USP30: variants seen among roughly 807,000 people sequenced by gnomAD.
The protein encoded by USP30 is ubiquitin carboxyl-terminal hydrolase 30.
USP30 carries 41 observed loss-of-function variants against 68.2 expected under a neutral mutation model. That is an observed-to-expected ratio of 0.60 (90% CI 0.47 to 0.78). USP30 has a LOEUF of 0.78. USP30 is among the 30% of genes least tolerant of loss of function. USP30 has a pLI of 0.00. For synonymous variants in USP30, 229 were observed against 253.7 expected (o/e 0.90, Z 0.93); for missense variants, 522 against 649.4 (o/e 0.80, Z 2.13).
At chr12:109,044,525 T>C (rs187664491) in intron 3 of USP30, among the ~76,000 whole-genome samples, 2 of 149,764 alleles carry the variant, frequency 1.3e-5, no homozygotes, top group African/African-American at 2.5e-5. Flanking sequence ...TAGTCCTAGC[T>C]ACTCGCGAGG....
chr12:109,056,866 G>A (rs1446846160), intron 2 of USP30, 75 bp downstream of exon 2: 3 of 1,050,136 alleles, frequency 2.9e-6, no homozygotes, highest in Non-Finnish European at 4.0e-6. Flanking sequence ...GTACAAAGAA[G>A]GTGGGGAGGT....
intron 6 of USP30, 58 bp downstream of exon 6, chr12:109,072,408 T>C (rs2041474752): frequency 1.3e-6 from 2 of 1,548,812 alleles, no homozygotes; most frequent in Non-Finnish European, 1.8e-6. Context: ...GATATGATAA[T>C]AATTTGCTTG....
rs2041818783 is a variant in USP30 at position 109,082,031 on chromosome 12, A to T, written c.867+12A>T. ...ACAACTGTACAAAGGTATGCATTGA[A>T]CCCCAAATGTCATCGCCAGCTGGCC... On this transcript the variant is annotated intron_variant, in intron 9 of 12. Coordinates refer to ENST00000257548, the MANE Select transcript of USP30 (RefSeq NM_032663.5). The T allele has an allele frequency of 1.2e-6, 2 of 1,613,890 alleles. No homozygotes were observed. The highest frequency in any genetic ancestry group is 8.5e-7 in the Non-Finnish European group (1 of 1,179,882).
chr12:109,037,305 T>G (rs2040528597), intron 3 of USP30, among the ~76,000 whole-genome samples: 1 of 152,200 alleles, frequency 6.6e-6, no homozygotes, highest in African/African-American at 2.4e-5. Flanking sequence ...TATTCTCCAT[T>G]TGGGGAGACA....
chr12:109,024,294 A>G (rs1023768323), intron 1 of USP30, among the ~76,000 whole-genome samples: 5 of 152,070 alleles, frequency 3.3e-5, no homozygotes, highest in Middle Eastern at 3.2e-3. Context: ...ATCTGGCTCT[A>G]TCATCCAGGC....
At chr12:109,064,725 T>C (rs2041192776) in intron 3 of USP30, among the ~76,000 whole-genome samples, 1 of 152,220 alleles carries the variant, frequency 6.6e-6, no homozygotes, top group South Asian at 2.1e-4. Flanking sequence ...CATGCATTTC[T>C]CTAGGAAAAA....
At chr12:109,072,809 G>A (rs144434526) in intron 6 of USP30, among the ~76,000 whole-genome samples, 1 of 152,304 alleles carries the variant, frequency 6.6e-6, no homozygotes, top group East Asian at 1.9e-4. Flanking sequence ...TGTTTGCCAG[G>A]CATTGCATTA....
In USP30 at chr12:109,082,822, C is replaced by T. The variant is rs372673295; in HGVS notation, c.949-21C>T. On this transcript the variant is annotated intron_variant, in intron 10 of 12. Coordinates refer to ENST00000257548, the MANE Select transcript of USP30 (RefSeq NM_032663.5). ...TGCCCCTGAAACAACTCGGTTCTCC[C>T]GATTTCTCTTCCACCCGCAGCTCCC... 7.8e-5 allele frequency: 125 copies of T among 1,610,888 alleles called. 1 individual carries two copies. The highest frequency in any genetic ancestry group is 2.5e-4 in the East Asian group (11 of 44,800).
chr12:109,071,862 A>C, intron 5 of USP30, 152 bp downstream of exon 5: 2 of 690,012 alleles, frequency 2.9e-6, no homozygotes, highest in South Asian at 3.9e-5. Flanking sequence ...TTAAAACTAC[A>C]TGCTTTGCAG....
chr12:109,082,990 C>G lies in USP30; in HGVS notation c.1096C>G (p.His366Asp), dbSNP rs1325499548. The change falls in exon 11 of 13, where the codon CAC becomes GAC. Residue 366 changes from histidine to aspartate, a missense_variant. Coordinates refer to ENST00000257548, the MANE Select transcript of USP30 (RefSeq NM_032663.5). ...CCTCCTTGGACATAAACCTAGTCAACACAACCCTAAACTGAACAAGAACCC... is the reference window on the plus strand; with the variant it reads ...CCTCCTTGGACATAAACCTAGTCAAGACAACCCTAAACTGAACAAGAACCC... ...YHLLGHKPSQ[H>D]NPKLNKNPGP... 1 of 1,614,088 alleles carries G rather than the reference C, an allele frequency of 6.2e-7. No individual in the cohort carries two copies. Among genetic ancestry groups the G allele is most frequent in the African/African-American group, 1.3e-5 (1 of 74,948 alleles).
At chr12:109,041,619 A>G (rs1192092098) in intron 3 of USP30, among the ~76,000 whole-genome samples, 1 of 151,846 alleles carries the variant, frequency 6.6e-6, no homozygotes, top group Non-Finnish European at 1.5e-5. Context: ...TGGGTGACAG[A>G]GCGAAACTCC....
chr12:109,027,766 T>C (rs1001359497), intron 3 of USP30, among the ~76,000 whole-genome samples: 3 of 152,260 alleles, frequency 2.0e-5, no homozygotes, highest in Non-Finnish European at 4.4e-5. Context: ...TGTAGGTATA[T>C]GGCACATTTT....
chr12:109,066,144 C>T (rs990678036), intron 3 of USP30, among the ~76,000 whole-genome samples: 2 of 149,918 alleles, frequency 1.3e-5, no homozygotes, highest in Non-Finnish European at 2.9e-5. Context: ...CCCAGCTGCT[C>T]AGGAGGCCAA....
At chr12:109,067,107 ATTTTTTTTTTTTT>A (rs754748366) in intron 3 of USP30, among the ~76,000 whole-genome samples, 1 of 104,570 alleles carries the variant, frequency 9.6e-6, no homozygotes, top group African/African-American at 4.2e-5. Flanking sequence ...ACAGTCCTTA[ATTTTTTTTTTTTT>A]TTTTTTTTTT....
At chr12:109,023,220 T>C (rs917530211) in intron 1 of USP30, 1 of 152,278 alleles carries the variant, frequency 6.6e-6, no homozygotes, top group Non-Finnish European at 1.5e-5. Context: ...GGTGGGGCTC[T>C]CTAGGGCTCT....
At chr12:109,085,562 T>TA in intron 12 of USP30, 105 bp from the exon 13 acceptor site, 1 of 1,390,788 alleles carries the variant, frequency 7.2e-7, no homozygotes, top group Non-Finnish European at 9.9e-7. Flanking sequence ...GGTATGGACT[T>TA]ACCATTGTAT....
At chr12:109,084,253 G>A (rs529108080) in intron 11 of USP30, among the ~76,000 whole-genome samples, 2 of 152,232 alleles carry the variant, frequency 1.3e-5, no homozygotes, top group East Asian at 1.9e-4. Flanking sequence ...ATGTCATCAG[G>A]AAACTACTTG....
In USP30 at chr12:109,083,071, G is replaced by A. The variant is rs59162254; in HGVS notation, c.1168+9G>A. On this transcript the variant is annotated intron_variant, in intron 11 of 12. Transcript: ENST00000257548. Reference sequence around the variant, plus strand: ...GGGAGCCCCCACACCAGGTGTGTGCGCGCGAGGAGCCGATGCAGCAGGAAT... The same window carrying A: ...GGGAGCCCCCACACCAGGTGTGTGCACGCGAGGAGCCGATGCAGCAGGAAT... 126,532 of 1,580,282 alleles carry A rather than the reference G, an allele frequency of 0.08. 5,537 individuals are homozygous for A. Among genetic ancestry groups the A allele is most frequent in the East Asian group, 0.14 (6,382 of 44,588 alleles).
At chr12:109,038,621 A>C (rs537285266) in intron 3 of USP30, among the ~76,000 whole-genome samples, 1 of 152,290 alleles carries the variant, frequency 6.6e-6, no homozygotes, top group African/African-American at 2.4e-5. Context: ...TTTCTCTTGG[A>C]TAAATAAATA....
Sources: gnomAD v4.1 joint callset for allele counts (sites outside exome capture counted in the v4.1 genomes callset) on GRCh38, gnomAD v4.1.1 for gene constraint, MANE v1.5 for transcripts, NCBI Gene and HGNC (gene_info 2026-07-23, HGNC 2026-07-21) for gene names.